GPC5: variants seen among roughly 807,000 people sequenced by gnomAD.
GPC5 encodes glypican 5, also known as glypican-5.
Under a neutral mutation model 53.9 loss-of-function variants are expected in GPC5, and 47 were observed. The observed-to-expected ratio is 0.87, with a 90% confidence interval of 0.69 to 1.11. The LOEUF is 1.11. Ranked by LOEUF, GPC5 falls within the 50% of genes most tolerant of loss-of-function variation. The pLI is 0.00. For synonymous variants in GPC5, 286 were observed against 263.3 expected, an observed-to-expected ratio of 1.09 and a Z score of -0.84; for missense variants, 748 against 713.1, an observed-to-expected ratio of 1.05 and a Z score of -0.56.
At chr13:91,444,902 A>G (rs895885618) in intron 1 of GPC5, among the ~76,000 whole-genome samples, 6 of 152,334 alleles carry the variant, frequency 3.9e-5, no homozygotes, top group Admixed American at 3.3e-4. Context: ...CAAGACCCAC[A>G]GTAGATCCCC....
chr13:92,091,740 C>G (rs1490484912), intron 6 of GPC5, among the ~76,000 whole-genome samples: 2 of 137,092 alleles, frequency 1.5e-5, no homozygotes, highest in Non-Finnish European at 3.1e-5. Context: ...ACAAATCAAT[C>G]AAGAATTTCA....
chr13:92,429,555 A>G lies in GPC5; in HGVS notation c.1561+284566A>G, dbSNP rs563961769. 2.8e-4 allele frequency among the ~76,000 whole-genome samples: 42 copies of G among 152,054 alleles called. 2 individuals carry two copies. In the Middle Eastern group the frequency reaches 0.027, roughly 99 times the overall value. On this transcript the variant is annotated intron_variant, in intron 7 of 7. Transcript: ENST00000377067. Reference sequence around the variant, plus strand: ...TTATTTAAATATTTACTTGTCCCCAATGGGAAATGAAACCTGCCAAATCAT... The same window carrying G: ...TTATTTAAATATTTACTTGTCCCCAGTGGGAAATGAAACCTGCCAAATCAT...
intron 5 of GPC5, among the ~76,000 whole-genome samples, chr13:91,853,052 A>G (rs2138895092): frequency 6.6e-6 from 1 of 152,210 alleles, no homozygotes; most frequent in East Asian, 1.9e-4. Flanking sequence ...GCTACTTTTC[A>G]TTAACAGTTT....
intron 2 of GPC5, among the ~76,000 whole-genome samples, chr13:91,643,773 A>G (rs1057286441): frequency 6.6e-6 from 1 of 152,004 alleles, no homozygotes; most frequent in Admixed American, 6.5e-5. Context: ...CCCCCTGTGT[A>G]CCTGTCTCTG....
intron 7 of GPC5, among the ~76,000 whole-genome samples, chr13:92,694,448 A>T (rs1251683910): frequency 6.6e-6 from 1 of 152,092 alleles, no homozygotes; most frequent in Admixed American, 6.5e-5. Flanking sequence ...GGGCTTGGGA[A>T]CCTAGTGTTT....
intron 1 of GPC5, among the ~76,000 whole-genome samples, chr13:91,433,102 G>A (rs947298802): frequency 1.7e-4 from 26 of 151,818 alleles, no homozygotes; most frequent in African/African-American, 6.3e-4. Flanking sequence ...TTACACATAA[G>A]CAAATGTTCA....
intron 7 of GPC5, among the ~76,000 whole-genome samples, chr13:92,343,871 G>T (rs191323536): frequency 6.6e-6 from 1 of 152,006 alleles, no homozygotes; most frequent in East Asian, 1.9e-4. Flanking sequence ...AAGTTTTCAG[G>T]GCATATCTTA....
intron 7 of GPC5, chr13:92,446,413 T>G (rs911213679): frequency 2.7e-5 from 4 of 150,566 alleles, no homozygotes; most frequent in Admixed American, 6.7e-5. Context: ...TCCATGTTAT[T>G]GCAAAGGACA....
At chr13:91,522,629 A>G (rs1439094536) in intron 2 of GPC5, among the ~76,000 whole-genome samples, 1 of 151,974 alleles carries the variant, frequency 6.6e-6, no homozygotes, top group Non-Finnish European at 1.5e-5. Flanking sequence ...TTAACTCTCT[A>G]CGTTAGATAT....
At chr13:92,266,508 C>G (rs940724201) in intron 7 of GPC5, among the ~76,000 whole-genome samples, 4 of 152,080 alleles carry the variant, frequency 2.6e-5, no homozygotes, top group Non-Finnish European at 5.9e-5. Flanking sequence ...CAGAAAACAT[C>G]GGAGAATTCA....
chr13:91,534,512 G>A (rs957216818), intron 2 of GPC5, among the ~76,000 whole-genome samples: 2 of 152,194 alleles, frequency 1.3e-5, no homozygotes, highest in South Asian at 2.1e-4. Context: ...AGTCCATACT[G>A]AGAAAGTTGA....
chr13:92,589,163 T>A (rs182321781), intron 7 of GPC5, among the ~76,000 whole-genome samples: 42 of 152,334 alleles, frequency 2.8e-4, no homozygotes, highest in Admixed American at 1.4e-3. Context: ...GCACTAACGA[T>A]GTTCTGTTCC....
At chr13:92,416,622 G>GA (rs1876307901) in intron 7 of GPC5, among the ~76,000 whole-genome samples, 1 of 152,000 alleles carries the variant, frequency 6.6e-6, no homozygotes, top group Admixed American at 6.5e-5. Flanking sequence ...TAAACTTTTA[G>GA]AAAAAATGTA....
chr13:92,427,009 C>G (rs922175038), intron 7 of GPC5, among the ~76,000 whole-genome samples: 2 of 151,908 alleles, frequency 1.3e-5, no homozygotes, highest in East Asian at 1.9e-4. Flanking sequence ...TACATAGGCT[C>G]ACTCATTTCC....
rs114488992 is a variant in GPC5 at position 91,590,247 on chromosome 13, C to A, written c.326-102940C>A. 5.0e-3 allele frequency among the ~76,000 whole-genome samples: 765 copies of A among 151,670 alleles called. 8 individuals are homozygous for A. The highest frequency in any genetic ancestry group is 0.018 in the African/African-American group (734 of 41,446). Reference sequence around the variant, plus strand: ...AAATATAAAATACCAAGTAATATTTCTAATATATTTAAAAGGAATATTTGA... The same window carrying A: ...AAATATAAAATACCAAGTAATATTTATAATATATTTAAAAGGAATATTTGA... On this transcript the variant is annotated intron_variant, in intron 2 of 7. Transcript: ENST00000377067.
chr13:92,852,988 TTG>T (rs1157467005), intron 7 of GPC5, among the ~76,000 whole-genome samples: 3 of 152,168 alleles, frequency 2.0e-5, no homozygotes, highest in African/African-American at 7.2e-5. Context: ...TGTCTAACAA[TTG>T]CTGAGCTCCA....
In GPC5 at chr13:91,997,550, G is replaced by A. The variant is rs7329637; in HGVS notation, c.1401+89493G>A. 5.5e-3 allele frequency among the ~76,000 whole-genome samples: 843 copies of A among 152,064 alleles called. 8 individuals are homozygous for A. Among genetic ancestry groups the A allele is most frequent in the African/African-American group, 0.02 (815 of 41,476 alleles). ...GTTTGTTTGTTTAAGACAGAGTCTC[G>A]CTCTGTCACCCAGACAGGAGTGCAG... On this transcript the variant is annotated intron_variant, in intron 6 of 7. Coordinates refer to ENST00000377067, the MANE Select transcript of GPC5 (RefSeq NM_004466.6).
chr13:91,734,936 A>AT (rs542175165), intron 4 of GPC5, among the ~76,000 whole-genome samples: 14 of 149,584 alleles, frequency 9.4e-5, no homozygotes, highest in Admixed American at 3.3e-4. Context: ...TTTCTACTAG[A>AT]TTTTTTTTCA....
At chr13:92,384,511 T>G (rs573442785) in intron 7 of GPC5, among the ~76,000 whole-genome samples, 9 of 152,170 alleles carry the variant, frequency 5.9e-5, no homozygotes, top group Non-Finnish European at 1.3e-4. Context: ...ACTTATAGTT[T>G]TATTCTATGA....
Sources: allele counts gnomAD v4.1 joint callset (sites outside exome capture counted in the v4.1 genomes callset), GRCh38; gene constraint gnomAD v4.1.1; transcripts MANE v1.5; gene names NCBI Gene and HGNC (gene_info 2026-07-23, HGNC 2026-07-21).